The following PCDH15 variants were observed in gnomAD, a reference collection of about 807,000 sequenced individuals.
The protein encoded by PCDH15 is protocadherin-15.
PCDH15 carries 129 observed loss-of-function variants against 178.5 expected under a neutral mutation model. The ratio of observed to expected loss-of-function variants is 0.72; its 90% CI spans 0.63 to 0.84. The LOEUF is 0.84. PCDH15 is among the 40% of genes least tolerant of loss of function. The probability of loss-of-function intolerance (pLI) is 0.00; values close to 1 mark genes in which losing one functional copy is unlikely to be tolerated. For missense variants in PCDH15, 2,230 were observed against 2,099.9 expected (o/e 1.06, Z -1.21); for synonymous variants, 800 against 732.0 (o/e 1.09, Z -1.50).
chr10:54,980,087 C>A (rs1053412903), intron 2 of PCDH15, among the ~76,000 whole-genome samples: 7 of 152,268 alleles, frequency 4.6e-5, no homozygotes, highest in African/African-American at 1.7e-4. Flanking sequence ...AACCTTAACC[C>A]ATTTATGCCT....
intron 23 of PCDH15, among the ~76,000 whole-genome samples, chr10:53,950,794 G>A (rs990088281): frequency 6.6e-6 from 1 of 152,148 alleles, no homozygotes; most frequent in African/African-American, 2.4e-5. Context: ...TTTCTGTAGG[G>A]TTTAAATGAA....
intron 3 of PCDH15, among the ~76,000 whole-genome samples, chr10:54,474,660 G>A: frequency 6.6e-6 from 1 of 151,806 alleles, no homozygotes; most frequent in East Asian, 1.9e-4. Flanking sequence ...TAATCCATAG[G>A]AATTTTTTAT....
chr10:53,825,823 T>TTAAAC (rs2076640686), intron 32 of PCDH15, among the ~76,000 whole-genome samples: 1 of 151,436 alleles, frequency 6.6e-6, no homozygotes, highest in African/African-American at 2.4e-5. Flanking sequence ...TAGAACTTAC[T>TTAAAC]TAAACTATTT....
intron 3 of PCDH15, among the ~76,000 whole-genome samples, chr10:54,895,831 T>C (rs1471470374): frequency 6.6e-6 from 1 of 152,166 alleles, no homozygotes; most frequent in Non-Finnish European, 1.5e-5. Context: ...CTACTTTTCT[T>C]TTAAAATTTA....
intron 3 of PCDH15, among the ~76,000 whole-genome samples, chr10:54,513,084 A>G (rs1354252879): frequency 1.3e-5 from 2 of 152,008 alleles, no homozygotes; most frequent in Non-Finnish European, 2.9e-5. Flanking sequence ...TTTTCATTTT[A>G]TGAAATATTC....
At chr10:54,944,251 A>G (rs1271637200) in intron 2 of PCDH15, among the ~76,000 whole-genome samples, 2 of 151,960 alleles carry the variant, frequency 1.3e-5, no homozygotes, top group East Asian at 3.9e-4. Flanking sequence ...GACAAAATGT[A>G]GCTCTATTTC....
rs540728691 is a variant in PCDH15, at chr10:54,577,495, A to G, written c.92-49618T>C. Reference sequence around the variant, plus strand: ...AAATGTAGTGTCCAACTGTTCTCACATTAAGAAATCAGGGTTACATTTGGT... The same window carrying G: ...AAATGTAGTGTCCAACTGTTCTCACGTTAAGAAATCAGGGTTACATTTGGT... On this transcript the variant is annotated intron_variant, in intron 2 of 37. Coordinates refer to ENST00000644397, the MANE Select transcript of PCDH15 (RefSeq NM_001384140.1). 4.8e-3 allele frequency among the ~76,000 whole-genome samples: 738 copies of G among 152,194 alleles called. 4 individuals are homozygous for G. Among genetic ancestry groups the G allele is most frequent in the African/African-American group, 0.017 (705 of 41,544 alleles).
At chr10:54,099,607 C>T (rs2094772085) in intron 15 of PCDH15, among the ~76,000 whole-genome samples, 1 of 150,688 alleles carries the variant, frequency 6.6e-6, no homozygotes, top group African/African-American at 2.4e-5. Context: ...CCACACATCA[C>T]AGCACTACTT....
At chr10:54,644,889 T>C (rs766591483) in intron 2 of PCDH15, among the ~76,000 whole-genome samples, 1 of 152,138 alleles carries the variant, frequency 6.6e-6, no homozygotes, top group Non-Finnish European at 1.5e-5. Context: ...GCCCTTCTGC[T>C]ATGTGAGAAC....
intron 26 of PCDH15, among the ~76,000 whole-genome samples, chr10:53,890,715 G>T (rs374060896): frequency 2.0e-5 from 3 of 151,940 alleles, no homozygotes; most frequent in African/African-American, 4.8e-5. Context: ...TGTTATTTTT[G>T]TTCACTAGAA....
intron 1 of PCDH15, among the ~76,000 whole-genome samples, chr10:54,717,861 C>T (rs1290386684): frequency 2.1e-5 from 3 of 143,368 alleles, no homozygotes; most frequent in Non-Finnish European, 3.0e-5. Flanking sequence ...GGAACCAACC[C>T]AAATGTCCAA....
At chr10:54,385,436 A>G (rs1565144382) in intron 3 of PCDH15, among the ~76,000 whole-genome samples, 1 of 152,170 alleles carries the variant, frequency 6.6e-6, no homozygotes, top group Non-Finnish European at 1.5e-5. Flanking sequence ...TGGAGGACAT[A>G]TTTAATAACC....
chr10:55,052,245 G>A (rs1486007081), intron 2 of PCDH15, among the ~76,000 whole-genome samples: 4 of 151,018 alleles, frequency 2.6e-5, no homozygotes, highest in African/African-American at 7.3e-5. Flanking sequence ...CTACCACCAC[G>A]CCCAGCTTAT....
intron 13 of PCDH15, among the ~76,000 whole-genome samples, chr10:54,162,191 C>T (rs571551908): frequency 1.8e-4 from 26 of 142,214 alleles, no homozygotes; most frequent in African/African-American, 6.2e-4. Context: ...CTTCCTTCTT[C>T]CTGCCTTCTT....
At chr10:54,061,572 G>A (rs1374749020) in intron 18 of PCDH15, among the ~76,000 whole-genome samples, 1 of 151,182 alleles carries the variant, frequency 6.6e-6, no homozygotes, top group Non-Finnish European at 1.5e-5. Flanking sequence ...ACATTGAAAA[G>A]AACCAAGAAT....
chr10:54,069,051 T>G (rs1484671476), intron 17 of PCDH15, among the ~76,000 whole-genome samples: 1 of 152,200 alleles, frequency 6.6e-6, no homozygotes, highest in East Asian at 1.9e-4. Context: ...CAAAAAGTAT[T>G]TTAACAAATA....
At chr10:54,012,853 A>G (rs1049319772) in intron 20 of PCDH15, among the ~76,000 whole-genome samples, 2 of 152,214 alleles carry the variant, frequency 1.3e-5, no homozygotes, top group African/African-American at 4.8e-5. Flanking sequence ...CTCTGACACT[A>G]TAAAGCAATG....
At chr10:54,848,699 C>A (rs1178172562) in intron 3 of PCDH15, among the ~76,000 whole-genome samples, 3 of 152,178 alleles carry the variant, frequency 2.0e-5, no homozygotes, top group Non-Finnish European at 4.4e-5. Flanking sequence ...TGACCCTGAT[C>A]ACACCACTGT....
intron 2 of PCDH15, among the ~76,000 whole-genome samples, chr10:55,382,916 A>G (rs1837571807): frequency 6.6e-6 from 1 of 152,218 alleles, no homozygotes; most frequent in Non-Finnish European, 1.5e-5. Context: ...CCACAGCAGC[A>G]TCTATGGGTG....
Sources: allele counts gnomAD v4.1 joint callset (sites outside exome capture counted in the v4.1 genomes callset), GRCh38; gene constraint gnomAD v4.1.1; transcripts MANE v1.5; gene names NCBI Gene and HGNC (gene_info 2026-07-23, HGNC 2026-07-21).